Variants in CDH12 observed in about 807,000 individuals in gnomAD.
The protein encoded by CDH12 is cadherin 12.
Under a neutral mutation model 74.1 loss-of-function variants are expected in CDH12, and 41 were observed. The ratio of observed to expected loss-of-function variants is 0.55; its 90% CI spans 0.43 to 0.72. CDH12 has a LOEUF of 0.72. CDH12 is among the 30% of genes least tolerant of loss of function. The probability of loss-of-function intolerance (pLI) is 0.00; values close to 1 mark genes in which losing one functional copy is unlikely to be tolerated. For missense variants in CDH12, 945 were observed against 977.2 expected (o/e 0.97, Z 0.44); for synonymous variants, 399 against 355.0 (o/e 1.12, Z -1.39).
chr5:22,739,531 C>G (rs1159318408), intron 1 of CDH12, among the ~76,000 whole-genome samples: 1 of 152,032 alleles, frequency 6.6e-6, no homozygotes, highest in Non-Finnish European at 1.5e-5. Flanking sequence ...CACAAGATTT[C>G]TGTACAGTAG....
At chr5:22,417,029 AT>A (rs1201895234) in intron 2 of CDH12, among the ~76,000 whole-genome samples, 2 of 152,196 alleles carry the variant, frequency 1.3e-5, no homozygotes, top group Admixed American at 1.3e-4. Context: ...TCTCATATAT[AT>A]TATTTAGGCT....
At position 22,344,330 on chromosome 5, in the gene CDH12, G is replaced by C. The variant is rs539251540; in HGVS notation, c.-333+60927C>G. On this transcript the variant is annotated intron_variant, in intron 3 of 14. Transcript: ENST00000382254. ...ACTTTAGAAAAAAAGATAGAAAACT[G>C]ATTATTGTTTTTGCTTTCTAAGCTA... is the stretch of plus-strand genomic sequence containing the variant. Among the ~76,000 whole-genome samples, 183 of 152,220 alleles carry C rather than the reference G, an allele frequency of 1.2e-3. 1 individual carries two copies. Among genetic ancestry groups the C allele is most frequent in the African/African-American group, 4.2e-3 (175 of 41,552 alleles).
intron 4 of CDH12, among the ~76,000 whole-genome samples, chr5:22,088,067 T>C (rs2150234691): frequency 6.6e-6 from 1 of 152,250 alleles, no homozygotes; most frequent in Non-Finnish European, 1.5e-5. Context: ...AAAATGATGA[T>C]AGGTGCATTC....
At chr5:22,653,720 T>C (rs544352097) in intron 1 of CDH12, among the ~76,000 whole-genome samples, 21 of 152,310 alleles carry the variant, frequency 1.4e-4, no homozygotes, top group African/African-American at 5.1e-4. Context: ...AGCCTGCTTC[T>C]AATCCTCCAA....
chr5:22,613,881 T>C (rs758965511), intron 1 of CDH12, among the ~76,000 whole-genome samples: 66 of 152,256 alleles, frequency 4.3e-4, no homozygotes, highest in Admixed American at 1.5e-3. Flanking sequence ...TAAAAAAATG[T>C]TTAAGTTAAC....
chr5:21,823,792 G>T (rs1429297919), intron 8 of CDH12, among the ~76,000 whole-genome samples: 1 of 152,078 alleles, frequency 6.6e-6, no homozygotes, highest in Non-Finnish European at 1.5e-5. Flanking sequence ...ACAGGAGATT[G>T]CTCAGCTTCC....
intron 1 of CDH12, among the ~76,000 whole-genome samples, chr5:22,548,817 G>A (rs1232730568): frequency 1.3e-5 from 2 of 152,016 alleles, no homozygotes; most frequent in African/African-American, 2.4e-5. Flanking sequence ...ATTAGTTTGT[G>A]GGGGCATGTC....
In CDH12 at chr5:22,086,674, G is replaced by T. The variant is rs140452920; in HGVS notation, c.-186-7812C>A. Among the ~76,000 whole-genome samples, 1,057 of 149,792 alleles carry T rather than the reference G, an allele frequency of 7.1e-3. 16 individuals carry two copies. The highest frequency in any genetic ancestry group is 8.2e-3 in the Admixed American group (124 of 15,138). ...GCCCGGCCCGAATTTTAACTGATAT[G>T]AAAATGGCTGCTACTAGTTTTACTG... is the stretch of plus-strand genomic sequence containing the variant. On this transcript the variant is annotated intron_variant, in intron 4 of 14. Transcript: ENST00000382254.
chr5:21,943,346 A>G (rs921311029), intron 6 of CDH12, among the ~76,000 whole-genome samples: 2 of 152,350 alleles, frequency 1.3e-5, no homozygotes, highest in East Asian at 1.9e-4. Flanking sequence ...TTACATTTAT[A>G]TAACATTGAA....
intron 10 of CDH12, among the ~76,000 whole-genome samples, chr5:21,788,198 G>A (rs959393269): frequency 5.3e-5 from 8 of 152,172 alleles, no homozygotes; most frequent in African/African-American, 1.9e-4. Flanking sequence ...AGGCTTTGCA[G>A]GAGTGCCAAG....
rs1394077335 is a variant in CDH12, at chr5:22,168,906, CT to C, written c.-187+43591del. 6.1e-5 allele frequency among the ~76,000 whole-genome samples: 9 copies of C among 148,620 alleles called. No homozygotes were observed. The East Asian group carries it at 1.8e-3, about 29-fold the overall frequency. On this transcript the variant is annotated intron_variant, in intron 4 of 14. Transcript: ENST00000382254. ...TGAGGCACACATCTTCCCTAGTGAC[CT>C]CCCCTTGACAATAACTACGCTCCAC...
chr5:22,717,313 C>T (rs1254121726), intron 1 of CDH12, among the ~76,000 whole-genome samples: 1 of 151,948 alleles, frequency 6.6e-6, no homozygotes, highest in Non-Finnish European at 1.5e-5. Context: ...AAATATTTAC[C>T]ATGTGTTACA....
chr5:22,629,270 T>C (rs1367172844), intron 1 of CDH12, among the ~76,000 whole-genome samples: 1 of 151,934 alleles, frequency 6.6e-6, no homozygotes, highest in African/African-American at 2.4e-5. Flanking sequence ...ATCTTTCTGA[T>C]ACCAAAACCT....
At chr5:22,519,976 T>G (rs892045403) in intron 1 of CDH12, among the ~76,000 whole-genome samples, 1 of 152,148 alleles carries the variant, frequency 6.6e-6, no homozygotes, top group African/African-American at 2.4e-5. Flanking sequence ...TTTTTTTCTC[T>G]CTGGTTTAAG....
intron 1 of CDH12, among the ~76,000 whole-genome samples, chr5:22,575,988 T>G (rs574010775): frequency 5.9e-5 from 9 of 152,146 alleles, no homozygotes; most frequent in African/African-American, 2.2e-4. Flanking sequence ...CCTCCCAAAG[T>G]GCTGGACATG....
chr5:21,881,602 T>A (rs912885705), intron 6 of CDH12, among the ~76,000 whole-genome samples: 107 of 152,328 alleles, frequency 7.0e-4, no homozygotes, highest in African/African-American at 2.2e-3. Flanking sequence ...CCATTTTTTT[T>A]AAATTTGGAA....
intron 11 of CDH12, among the ~76,000 whole-genome samples, chr5:21,775,294 C>T (rs779393188): frequency 1.3e-5 from 2 of 152,208 alleles, no homozygotes; most frequent in South Asian, 4.1e-4. Flanking sequence ...GGTGAATACA[C>T]TGTAAGCCAA....
At chr5:22,690,594 C>T (rs1471592259) in intron 1 of CDH12, among the ~76,000 whole-genome samples, 4 of 152,048 alleles carry the variant, frequency 2.6e-5, no homozygotes, top group South Asian at 2.1e-4. Context: ...ACATAAGGAA[C>T]AGAACAGTGT....
At chr5:22,532,148 A>G (rs1196981314) in intron 1 of CDH12, among the ~76,000 whole-genome samples, 1 of 151,330 alleles carries the variant, frequency 6.6e-6, no homozygotes, top group Non-Finnish European at 1.5e-5. Context: ...TGTGTACTCA[A>G]ACACAGCCTG....
Sources: gnomAD v4.1 joint callset for allele counts (sites outside exome capture counted in the v4.1 genomes callset) on GRCh38, gnomAD v4.1.1 for gene constraint, MANE v1.5 for transcripts, NCBI Gene and HGNC (gene_info 2026-07-23, HGNC 2026-07-21) for gene names.